NR3C2: variants seen among roughly 807,000 people sequenced by gnomAD.
The protein encoded by NR3C2 is nuclear receptor subfamily 3 group C member 2, also known as mineralocorticoid receptor.
In NR3C2, 15 loss-of-function variants were observed where a neutral mutation model predicts 86.4. The ratio of observed to expected loss-of-function variants is 0.17; its 90% CI spans 0.12 to 0.27. The LOEUF is 0.27. NR3C2 is among the 10% of genes least tolerant of loss of function. The pLI, the probability that NR3C2 is intolerant of heterozygous loss-of-function variation, is 1.00. For missense variants in NR3C2, 960 were observed against 1,195.6 expected (o/e 0.80, Z 2.91); for synonymous variants, 458 against 450.5 (o/e 1.02, Z -0.21).
chr4:148,423,765 C>T (rs1749396052), intron 2 of NR3C2, among the ~76,000 whole-genome samples: 1 of 152,318 alleles, frequency 6.6e-6, no homozygotes, highest in South Asian at 2.1e-4. Context: ...TGCAGTGGCA[C>T]GATCTCAGCT....
rs549617153 is a variant in NR3C2 at position 148,229,222 on chromosome 4, C to T, written c.1897+30756G>A. 6.6e-5 allele frequency among the ~76,000 whole-genome samples: 10 copies of T among 152,260 alleles called. No individual in the cohort carries two copies. In the South Asian group the frequency reaches 2.1e-3, roughly 32 times the overall value. On this transcript the variant is annotated intron_variant, in intron 3 of 8. Transcript: ENST00000358102. ...GCAAGCTTGGACAATAAAGTGGAAC[C>T]ACCCGAAATTCACGCCTTAGGCACT...
chr4:148,097,144 A>G (rs1731313027), intron 8 of NR3C2, among the ~76,000 whole-genome samples: 1 of 152,184 alleles, frequency 6.6e-6, no homozygotes, highest in Non-Finnish European at 1.5e-5. Flanking sequence ...AAAGAATCCT[A>G]GCACCTATGG....
chr4:148,323,511 C>A (rs1318709910), intron 2 of NR3C2, among the ~76,000 whole-genome samples: 1 of 149,840 alleles, frequency 6.7e-6, no homozygotes, highest in African/African-American at 2.5e-5. Flanking sequence ...TCTCAGACTG[C>A]TGTGCTAGCA....
At chr4:148,317,601 G>A (rs980613786) in intron 2 of NR3C2, among the ~76,000 whole-genome samples, 5 of 152,000 alleles carry the variant, frequency 3.3e-5, no homozygotes, top group Non-Finnish European at 7.4e-5. Flanking sequence ...ATGAGAATTT[G>A]TATGATAAAT....
chr4:148,199,059 C>T (rs113054509), intron 3 of NR3C2, among the ~76,000 whole-genome samples: 3,016 of 128,846 alleles, frequency 0.023, 46 homozygotes, highest in Middle Eastern at 0.043. Context: ...CCAGCCTAGG[C>T]GACAGAGTGA....
chr4:148,086,190 G>A (rs1056396043), intron 8 of NR3C2, among the ~76,000 whole-genome samples: 5 of 152,152 alleles, frequency 3.3e-5, no homozygotes, highest in Non-Finnish European at 7.3e-5. Flanking sequence ...GAAAATTTCA[G>A]GCCAATTTCC....
chr4:148,141,765 G>A (rs781157602), intron 6 of NR3C2, among the ~76,000 whole-genome samples: 12 of 152,090 alleles, frequency 7.9e-5, no homozygotes, highest in Non-Finnish European at 1.5e-4. Flanking sequence ...ATAGGACTGC[G>A]AACCCTAGCT....
intron 2 of NR3C2, among the ~76,000 whole-genome samples, chr4:148,304,826 C>G (rs1345575089): frequency 1.3e-5 from 2 of 151,568 alleles, no homozygotes; most frequent in Non-Finnish European, 2.9e-5. Context: ...GGGGAGGAGT[C>G]TGGCCTCTTC....
At chr4:148,186,421 G>A (rs535147797) in intron 4 of NR3C2, among the ~76,000 whole-genome samples, 4 of 152,086 alleles carry the variant, frequency 2.6e-5, no homozygotes, top group African/African-American at 9.6e-5. Context: ...GGCCTTTGCA[G>A]TAATATTTGA....
intron 3 of NR3C2, among the ~76,000 whole-genome samples, chr4:148,222,995 C>T (rs1358357612): frequency 6.6e-6 from 1 of 151,862 alleles, no homozygotes; most frequent in Non-Finnish European, 1.5e-5. Context: ...AAAACCAAAA[C>T]AAAACAAAAA....
Position 148,435,864 on chromosome 4 carries a change from T to G in NR3C2, c.997A>C (p.Ile333Leu). ...AAGGCATTGTTTACAGGGCTACAGA[T>G]AGATCCCACAGTACTGGCTGCCGGA... is the stretch of plus-strand genomic sequence containing the variant. Reference protein sequence around the residue: ...SSPAASTVGSICSPVNNAFSY... With the variant: ...SSPAASTVGSLCSPVNNAFSY... The change falls in exon 2 of 9, where the codon ATC (isoleucine) becomes CTC (leucine). Residue 333 changes from isoleucine to leucine, a missense_variant. Coordinates refer to ENST00000358102, the MANE Select transcript of NR3C2 (RefSeq NM_000901.5). The G allele has an allele frequency of 1.9e-6, 3 of 1,614,188 alleles. No individual in the cohort carries two copies. The highest frequency in any genetic ancestry group is 8.5e-7 in the Non-Finnish European group (1 of 1,180,020).
intron 8 of NR3C2, among the ~76,000 whole-genome samples, chr4:148,089,793 G>C (rs752673897): frequency 2.6e-5 from 4 of 152,254 alleles, no homozygotes; most frequent in Non-Finnish European, 5.9e-5. Flanking sequence ...CCATGAGTCA[G>C]CAGTGCCAAC....
chr4:148,156,600 A>G (rs1398022581), intron 4 of NR3C2, among the ~76,000 whole-genome samples: 2 of 152,200 alleles, frequency 1.3e-5, no homozygotes, highest in African/African-American at 4.8e-5. Context: ...CAAAACCACA[A>G]TGAGACACCA....
rs1374887951 is a variant in NR3C2, at chr4:148,288,818, C to T, written c.1758-28701G>A. On this transcript the variant is annotated intron_variant, in intron 2 of 8. Coordinates refer to ENST00000358102, the MANE Select transcript of NR3C2 (RefSeq NM_000901.5). ...GCCATGCCCAAATCAGAGCAGCTGT[C>T]TCTATTTTATCAGTGTTATGCCCCC... Among the ~76,000 whole-genome samples, 3 of 152,140 alleles carry T rather than the reference C, an allele frequency of 2.0e-5. No homozygotes were observed. The East Asian group carries it at 5.8e-4, about 29-fold the overall frequency.
At chr4:148,424,258 T>C (rs894085902) in intron 2 of NR3C2, among the ~76,000 whole-genome samples, 3 of 152,228 alleles carry the variant, frequency 2.0e-5, no homozygotes, top group Non-Finnish European at 4.4e-5. Context: ...CCTACACATG[T>C]ACTATAATGC....
At chr4:148,092,165 GT>G (rs1731089143) in intron 8 of NR3C2, among the ~76,000 whole-genome samples, 1 of 152,306 alleles carries the variant, frequency 6.6e-6, no homozygotes, top group East Asian at 1.9e-4. Flanking sequence ...TTTCTCTGCA[GT>G]CACCTCTTCC....
At chr4:148,367,586 T>C (rs146781685) in intron 2 of NR3C2, among the ~76,000 whole-genome samples, 212 of 152,272 alleles carry the variant, frequency 1.4e-3, no homozygotes, top group African/African-American at 4.7e-3. Flanking sequence ...GATTGAATGA[T>C]GAGACCATCA....
chr4:148,310,551 T>G (rs1026493355), intron 2 of NR3C2, among the ~76,000 whole-genome samples: 3 of 152,184 alleles, frequency 2.0e-5, no homozygotes, highest in African/African-American at 7.2e-5. Flanking sequence ...CCAGCATAAT[T>G]GCTCACCTGT....
At chr4:148,442,775 GC>G, upstream of NR3C2, 1 of 985,410 alleles carries the variant, frequency 1.0e-6, no homozygotes, top group African/African-American at 1.7e-5. Flanking sequence ...GCTACATCAG[GC>G]GGCCTCCGCA....
Sources: gnomAD v4.1 joint callset for allele counts (sites outside exome capture counted in the v4.1 genomes callset) on GRCh38, gnomAD v4.1.1 for gene constraint, MANE v1.5 for transcripts, NCBI Gene and HGNC (gene_info 2026-07-23, HGNC 2026-07-21) for gene names.